Variants in SV2C observed in about 807,000 individuals in gnomAD.
SV2C encodes synaptic vesicle glycoprotein 2C, also known as solute carrier family 22 member B3.
SV2C carries 49 observed loss-of-function variants against 79.7 expected under a neutral mutation model. The observed-to-expected ratio is 0.61, with a 90% CI of 0.49 to 0.78. The LOEUF is 0.78. Ranked by LOEUF, SV2C falls within the 30% of genes least tolerant of loss-of-function variation. SV2C has a pLI of 0.00. For synonymous variants in SV2C, 334 were observed against 333.2 expected (o/e 1.00, Z -0.03); for missense variants, 833 against 912.9 (o/e 0.91, Z 1.13).
chr5:76,201,692 A>C (rs1004161249), intron 3 of SV2C, among the ~76,000 whole-genome samples: 2 of 152,174 alleles, frequency 1.3e-5, no homozygotes, highest in Non-Finnish European at 2.9e-5. Flanking sequence ...ATAATTTGTC[A>C]TGTAAAAATT....
intron 3 of SV2C, among the ~76,000 whole-genome samples, chr5:76,196,978 C>G (rs1744288797): frequency 6.6e-6 from 1 of 152,208 alleles, no homozygotes; most frequent in South Asian, 2.1e-4. Flanking sequence ...TGATATTATC[C>G]TCATTCCTAC....
At chr5:76,154,599 G>A (rs867837701) in intron 2 of SV2C, among the ~76,000 whole-genome samples, 3 of 152,062 alleles carry the variant, frequency 2.0e-5, no homozygotes, top group Admixed American at 6.6e-5. Flanking sequence ...CAGACTCTAC[G>A]GACACCTGGA....
At chr5:76,175,466 A>G (rs4493648) in intron 2 of SV2C, among the ~76,000 whole-genome samples, 89,717 of 152,062 alleles carry the variant, frequency 0.59, 28,395 homozygotes, top group East Asian at 0.91. Flanking sequence ...AGAATCTAAC[A>G]GTGAATGTTT....
At chr5:75,948,144 T>A in the SV2C span, among the ~76,000 whole-genome samples, 1 of 152,056 alleles carries the variant, frequency 6.6e-6, no homozygotes, top group Non-Finnish European at 1.5e-5. Context: ...CAAGTTACAT[T>A]GAATTATTTG....
the SV2C span, among the ~76,000 whole-genome samples, chr5:76,042,347 T>C: frequency 6.6e-6 from 1 of 152,338 alleles, no homozygotes; most frequent in Admixed American, 6.5e-5. Context: ...CATTTCACCA[T>C]CTAAAAAATG....
rs190356510 is a variant in SV2C, at chr5:76,199,256, C to T, written c.761+4157C>T. On this transcript the variant is annotated intron_variant, in intron 3 of 12. Transcript: ENST00000502798. ...TATCTACTTAAACAACTCCCTCCAA[C>T]CATATCTGGTCCAGTTTTTAAATTG... 5.3e-5 allele frequency among the ~76,000 whole-genome samples: 8 copies of T among 152,298 alleles called. No homozygotes were observed. The South Asian group carries it at 1.2e-3, about 24-fold the overall frequency.
chr5:76,352,335 GC>G (rs1438936162), intron 12 of SV2C, among the ~76,000 whole-genome samples: 5 of 152,210 alleles, frequency 3.3e-5, no homozygotes, highest in African/African-American at 1.2e-4. Context: ...GTTTGACTGT[GC>G]CCCCAAAGTT....
At chr5:75,935,013 A>T in the SV2C span, among the ~76,000 whole-genome samples, 1 of 152,160 alleles carries the variant, frequency 6.6e-6, no homozygotes, top group Non-Finnish European at 1.5e-5. Flanking sequence ...AATGTATTTA[A>T]CTACCTGCTA....
At chr5:76,243,160 G>A (rs796080590) in intron 4 of SV2C, among the ~76,000 whole-genome samples, 7 of 152,170 alleles carry the variant, frequency 4.6e-5, no homozygotes, top group African/African-American at 1.7e-4. Context: ...ACCATAGCAA[G>A]TGCTCAGTAA....
the SV2C span, among the ~76,000 whole-genome samples, chr5:75,980,240 A>T: frequency 1.3e-5 from 2 of 152,208 alleles, no homozygotes; most frequent in Non-Finnish European, 2.9e-5. Context: ...TACCATCCAA[A>T]AAAAGCTCAG....
the SV2C span, among the ~76,000 whole-genome samples, chr5:76,048,743 C>T: frequency 6.7e-6 from 1 of 150,178 alleles, no homozygotes; most frequent in East Asian, 2.0e-4. Flanking sequence ...AGAAGGTGCA[C>T]ATGTACAAGC....
chr5:76,337,847 TA>T (rs796604460), downstream of SV2C, among the ~76,000 whole-genome samples: 1 of 151,610 alleles, frequency 6.6e-6, no homozygotes, highest in Non-Finnish European at 1.5e-5. Context: ...CACAGTAATT[TA>T]AAAAAAAACT....
At chr5:76,298,710 C>CCAT in intron 9 of SV2C, 84 bp from the exon 10 acceptor site, 2 of 1,498,604 alleles carry the variant, frequency 1.3e-6, no homozygotes, top group Non-Finnish European at 1.8e-6. Flanking sequence ...GTGGGGCATT[C>CCAT]CATCTCTAAA....
intron 12 of SV2C, among the ~76,000 whole-genome samples, chr5:76,348,929 G>T (rs1561328934): frequency 6.6e-6 from 1 of 151,996 alleles, no homozygotes; most frequent in East Asian, 1.9e-4. Flanking sequence ...AACCCAGGAG[G>T]CAGAGTTTGC....
chr5:76,019,876 G>A, the SV2C span, among the ~76,000 whole-genome samples: 1 of 152,106 alleles, frequency 6.6e-6, no homozygotes, highest in East Asian at 1.9e-4. Context: ...ATGCTTTTGC[G>A]AATTCTTTGA....
chr5:76,053,914 A>G, the SV2C span, among the ~76,000 whole-genome samples: 4 of 152,090 alleles, frequency 2.6e-5, no homozygotes, highest in African/African-American at 7.2e-5. Context: ...TTAGGATACT[A>G]TAGGAATGAA....
intron 2 of SV2C, among the ~76,000 whole-genome samples, chr5:76,176,375 G>A (rs1743529868): frequency 6.6e-6 from 1 of 152,162 alleles, no homozygotes; most frequent in Admixed American, 6.5e-5. Flanking sequence ...TAGGTGACAT[G>A]CTCCAGGACA....
chr5:76,190,066 G>T (rs906545704), intron 2 of SV2C, among the ~76,000 whole-genome samples: 1 of 152,208 alleles, frequency 6.6e-6, no homozygotes, highest in Non-Finnish European at 1.5e-5. Context: ...AAGGAAGATG[G>T]GTGAGTGAAA....
the SV2C span, among the ~76,000 whole-genome samples, chr5:75,955,748 C>T: frequency 6.7e-6 from 1 of 149,682 alleles, no homozygotes; most frequent in Non-Finnish European, 1.5e-5. Context: ...CATGAACAGA[C>T]ACTTCTCAAA....
Sources: allele counts gnomAD v4.1 joint callset (sites outside exome capture counted in the v4.1 genomes callset), GRCh38; gene constraint gnomAD v4.1.1; transcripts MANE v1.5; gene names NCBI Gene and HGNC (gene_info 2026-07-23, HGNC 2026-07-21).